Variants in CNTNAP2 observed in about 807,000 individuals in gnomAD.
The protein encoded by CNTNAP2 is contactin-associated protein-like 2.
A neutral mutation model predicts 155.2 loss-of-function variants in CNTNAP2; 98 were observed. That is an observed-to-expected ratio of 0.63 (90% confidence interval 0.54 to 0.75). CNTNAP2 has a LOEUF of 0.75. CNTNAP2 is among the 30% of genes least tolerant of loss of function. The pLI, the probability that CNTNAP2 is intolerant of heterozygous loss-of-function variation, is 0.00. For synonymous variants in CNTNAP2, 651 were observed against 631.2 expected (o/e 1.03, Z -0.47); for missense variants, 1,727 against 1,688.1 (o/e 1.02, Z -0.40).
chr7:147,339,316 G>T (rs1338067159), intron 9 of CNTNAP2, among the ~76,000 whole-genome samples: 2 of 152,238 alleles, frequency 1.3e-5, no homozygotes, highest in Admixed American at 6.5e-5. Context: ...TCCTGTGGGG[G>T]TGTGTGGATT....
At chr7:146,508,180 A>G (rs368445720) in intron 1 of CNTNAP2, among the ~76,000 whole-genome samples, 42 of 152,318 alleles carry the variant, frequency 2.8e-4, no homozygotes, top group African/African-American at 9.4e-4. Flanking sequence ...AGTCTCAGTT[A>G]TCGCCATATG....
chr7:147,480,597 A>G (rs747534425), intron 10 of CNTNAP2, among the ~76,000 whole-genome samples: 27 of 152,198 alleles, frequency 1.8e-4, no homozygotes, highest in Admixed American at 2.6e-4. Context: ...AGATTATTAT[A>G]TGTCACTCTG....
intron 6 of CNTNAP2, among the ~76,000 whole-genome samples, chr7:147,124,339 C>T (rs1034538701): frequency 6.6e-6 from 1 of 152,116 alleles, no homozygotes; most frequent in Admixed American, 6.6e-5. Flanking sequence ...TTCCAGAGTA[C>T]ACTAAGGACA....
intron 2 of CNTNAP2, among the ~76,000 whole-genome samples, chr7:146,823,544 C>T (rs948635108): frequency 7.7e-5 from 11 of 142,380 alleles, no homozygotes; most frequent in Non-Finnish European, 1.2e-4. Context: ...TGGAAATATA[C>T]TCATTCTTCA....
At chr7:147,709,167 A>G (rs775445390) in intron 13 of CNTNAP2, among the ~76,000 whole-genome samples, 1 of 152,108 alleles carries the variant, frequency 6.6e-6, no homozygotes, top group East Asian at 1.9e-4. Context: ...TCTCCAGGCA[A>G]TGGCCGAGCA....
At chr7:147,683,294 A>G (rs1795973908) in intron 13 of CNTNAP2, among the ~76,000 whole-genome samples, 1 of 151,894 alleles carries the variant, frequency 6.6e-6, no homozygotes, top group Non-Finnish European at 1.5e-5. Flanking sequence ...TGCAATTTGT[A>G]ATCAATAGTG....
chr7:147,034,047 A>T (rs1469678109), intron 3 of CNTNAP2, among the ~76,000 whole-genome samples: 1 of 152,112 alleles, frequency 6.6e-6, no homozygotes, highest in Non-Finnish European at 1.5e-5. Context: ...CTCCTTAATT[A>T]TATGCTAAAT....
At chr7:147,471,733 G>C (rs1006833442) in intron 10 of CNTNAP2, among the ~76,000 whole-genome samples, 2 of 152,178 alleles carry the variant, frequency 1.3e-5, no homozygotes, top group South Asian at 2.1e-4. Context: ...CTAGGCAAGG[G>C]ATAAAGTGTG....
chr7:147,785,002 T>C (rs1797718424), intron 13 of CNTNAP2, among the ~76,000 whole-genome samples: 1 of 152,100 alleles, frequency 6.6e-6, no homozygotes, highest in Non-Finnish European at 1.5e-5. Flanking sequence ...ACCAGTTTTG[T>C]GGAGAAAACC....
intron 1 of CNTNAP2, among the ~76,000 whole-genome samples, chr7:146,495,552 ATTTTTTTT>A (rs57676970): frequency 2.8e-4 from 37 of 133,404 alleles, no homozygotes; most frequent in Admixed American, 3.7e-4. Flanking sequence ...CTAACAGGTC[ATTTTTTTT>A]TTTTTTTTTT....
chr7:146,604,930 G>A (rs866210957), intron 1 of CNTNAP2, among the ~76,000 whole-genome samples: 1 of 107,316 alleles, frequency 9.3e-6, no homozygotes, highest in African/African-American at 3.5e-5. Context: ...GTTGTGGGGT[G>A]GGGGGAGGGG....
chr7:147,695,263 C>T (rs1449416044), intron 13 of CNTNAP2, among the ~76,000 whole-genome samples: 1 of 152,118 alleles, frequency 6.6e-6, no homozygotes, highest in Non-Finnish European at 1.5e-5. Flanking sequence ...AGAACGTGAT[C>T]TATCTTGTTG....
chr7:146,537,534 CA>C (rs1317220340), intron 1 of CNTNAP2, among the ~76,000 whole-genome samples: 7 of 152,002 alleles, frequency 4.6e-5, no homozygotes, highest in African/African-American at 1.7e-4. Flanking sequence ...TAAAATATGT[CA>C]CGTCAGATGG....
intron 13 of CNTNAP2, among the ~76,000 whole-genome samples, chr7:147,891,495 G>T (rs183986898): frequency 6.6e-6 from 1 of 152,010 alleles, no homozygotes; most frequent in South Asian, 2.1e-4. Flanking sequence ...GAGCCACCAC[G>T]CCCAGCCAAC....
chr7:146,403,662 C>T (rs908415165), intron 1 of CNTNAP2, among the ~76,000 whole-genome samples: 1 of 152,120 alleles, frequency 6.6e-6, no homozygotes, highest in Non-Finnish European at 1.5e-5. Flanking sequence ...CAAACCTTCA[C>T]ATAATAAGAG....
intron 1 of CNTNAP2, among the ~76,000 whole-genome samples, chr7:146,402,517 G>A (rs781722922): frequency 2.0e-5 from 3 of 151,964 alleles, no homozygotes; most frequent in Non-Finnish European, 2.9e-5. Context: ...ACGAACTTAT[G>A]TTACAAAAGA....
At chr7:147,127,698 T>A (rs956546656) in intron 6 of CNTNAP2, among the ~76,000 whole-genome samples, 1 of 152,202 alleles carries the variant, frequency 6.6e-6, no homozygotes, top group Non-Finnish European at 1.5e-5. Flanking sequence ...CTGTCATTGA[T>A]TCTTTATAGT....
intron 3 of CNTNAP2, among the ~76,000 whole-genome samples, chr7:147,004,601 C>T (rs1201351258): frequency 6.6e-6 from 1 of 151,944 alleles, no homozygotes; most frequent in African/African-American, 2.4e-5. Flanking sequence ...TTGGTACAAT[C>T]ACTTTTACAA....
At chr7:148,237,519 A>C (rs928303696) in intron 20 of CNTNAP2, among the ~76,000 whole-genome samples, 3 of 152,232 alleles carry the variant, frequency 2.0e-5, no homozygotes, top group Non-Finnish European at 4.4e-5. Flanking sequence ...AGATGCTAGC[A>C]GAGTGACTAT....
Sources: allele counts gnomAD v4.1 joint callset (sites outside exome capture counted in the v4.1 genomes callset), GRCh38; gene constraint gnomAD v4.1.1; transcripts MANE v1.5; gene names NCBI Gene and HGNC (gene_info 2026-07-23, HGNC 2026-07-21).